PCDHA9: variants seen among roughly 807,000 people sequenced by gnomAD.
PCDHA9 encodes the protein protocadherin alpha 9.
PCDHA9 carries 62 observed loss-of-function variants against 62.0 expected under a neutral mutation model. That is an observed-to-expected ratio of 1.00 (90% CI 0.81 to 1.23). PCDHA9 has a LOEUF of 1.23. Among genes scored for constraint, PCDHA9 ranks in the 50% most tolerant of loss-of-function variants. The probability of loss-of-function intolerance (pLI) is 0.00; values close to 1 mark genes in which losing one functional copy is unlikely to be tolerated. For synonymous variants in PCDHA9, 557 were observed against 567.6 expected (o/e 0.98, Z 0.27); for missense variants, 1,205 against 1,249.8 (o/e 0.96, Z 0.54).
At chr5:140,882,058 C>G (rs1190027185) in intron 1 of PCDHA9, 4 of 794,854 alleles carry the variant, frequency 5.0e-6, no homozygotes, top group Non-Finnish European at 7.7e-6. Flanking sequence ...CTTACACTTA[C>G]ACGTTCATGC....
chr5:140,850,756 G>A lies in PCDHA9; in HGVS notation c.2261G>A (p.Arg754Lys), dbSNP rs2150497273. Residue 754 changes from arginine (R) to lysine (K), a missense_variant, in exon 1 of 4, where the codon AGG (arginine) becomes AAG (lysine). Arg to Lys is a conservative substitution (Grantham distance 26). Coordinates refer to ENST00000532602, the MANE Select transcript of PCDHA9 (RefSeq NM_031857.2). ...GGGAGTTGGTCGTACTCGCAGCAGA[G>A]GAGGCAGAGGGTGTGCTCTGGCGAG... ...AVGSWSYSQQRRQRVCSGEGK... is the reference protein window; with the variant it reads ...AVGSWSYSQQKRQRVCSGEGK... The A allele has an allele frequency of 6.3e-7, 1 of 1,598,098 alleles. No individual in the cohort carries two copies. Among genetic ancestry groups the A allele is most frequent in the Non-Finnish European group, 8.6e-7 (1 of 1,167,688 alleles).
intron 1 of PCDHA9, among the ~76,000 whole-genome samples, chr5:140,902,886 A>G (rs192404879): frequency 3.9e-5 from 6 of 152,276 alleles, no homozygotes; most frequent in Non-Finnish European, 7.4e-5. Flanking sequence ...TGCAAAAGCT[A>G]TTATTTTATT....
intron 1 of PCDHA9, among the ~76,000 whole-genome samples, chr5:140,914,442 CT>C (rs782585142): frequency 1.5e-4 from 23 of 152,072 alleles, no homozygotes; most frequent in Non-Finnish European, 2.9e-4. Context: ...TTTCCCATGT[CT>C]TTATTTTCCA....
intron 1 of PCDHA9, among the ~76,000 whole-genome samples, chr5:140,924,224 T>A (rs1266072324): frequency 6.6e-6 from 1 of 152,220 alleles, no homozygotes; most frequent in Non-Finnish European, 1.5e-5. Context: ...TAAGTTCAAT[T>A]TTTATGGGCT....
At chr5:140,979,525 T>A (rs1347519268) in intron 2 of PCDHA9, among the ~76,000 whole-genome samples, 1 of 152,244 alleles carries the variant, frequency 6.6e-6, no homozygotes, top group Non-Finnish European at 1.5e-5. Flanking sequence ...TGTTGCTATC[T>A]TATTGTCATC....
chr5:140,873,126 G>A (rs2054115570), intron 1 of PCDHA9, among the ~76,000 whole-genome samples: 1 of 152,124 alleles, frequency 6.6e-6, no homozygotes, highest in Admixed American at 6.5e-5. Context: ...AATATTCAAA[G>A]AGTCTATGCT....
At chr5:140,867,674 T>C (rs1450203824) in intron 1 of PCDHA9, 1 of 152,128 alleles carries the variant, frequency 6.6e-6, no homozygotes, top group Non-Finnish European at 1.5e-5. Flanking sequence ...CTCTAAAATT[T>C]TGTTGCATCT....
intron 1 of PCDHA9, among the ~76,000 whole-genome samples, chr5:140,912,045 C>T (rs1276989293): frequency 2.0e-5 from 3 of 152,196 alleles, no homozygotes; most frequent in African/African-American, 4.8e-5. Flanking sequence ...AGTCCCAAAG[C>T]TGAAGAACTT....
At chr5:140,886,084 G>A (rs1554182347) in intron 1 of PCDHA9, among the ~76,000 whole-genome samples, 1 of 152,140 alleles carries the variant, frequency 6.6e-6, no homozygotes, top group Non-Finnish European at 1.5e-5. Context: ...CCACAACCTG[G>A]ATATTGACAT....
chr5:140,889,232 C>T (rs1365146997), intron 1 of PCDHA9, among the ~76,000 whole-genome samples: 6 of 151,736 alleles, frequency 4.0e-5, no homozygotes, highest in African/African-American at 1.4e-4. Context: ...TTGAAAACTT[C>T]CAGAAAATTT....
At chr5:140,947,304 T>A (rs1370804451) in intron 1 of PCDHA9, among the ~76,000 whole-genome samples, 1 of 151,606 alleles carries the variant, frequency 6.6e-6, no homozygotes, top group Admixed American at 6.6e-5. Flanking sequence ...CTTGACATCT[T>A]TGTAAAAAGT....
chr5:140,987,363 T>C (rs1269772618), intron 3 of PCDHA9, among the ~76,000 whole-genome samples: 1 of 152,218 alleles, frequency 6.6e-6, no homozygotes, highest in Non-Finnish European at 1.5e-5. Flanking sequence ...GGTTGTCTTA[T>C]ATCATTACAG....
intron 3 of PCDHA9, among the ~76,000 whole-genome samples, chr5:141,006,406 G>T (rs553100919): frequency 6.6e-6 from 1 of 151,932 alleles, no homozygotes; most frequent in African/African-American, 2.4e-5. Flanking sequence ...GTAGAGACGC[G>T]GTTTCACTGT....
At position 140,850,006 on chromosome 5, in the gene PCDHA9, T is replaced by A. The variant is rs2150463121; in HGVS notation, c.1511T>A (p.Leu504Gln). Residue 504 changes from leucine to glutamine, a missense_variant, in exon 1 of 4, where the codon CTG becomes CAG. Coordinates refer to ENST00000532602, the MANE Select transcript of PCDHA9 (RefSeq NM_031857.2). ...LVERRLGERS[L>Q]SSYVSVHAES... ...GAGCGGCGGTTGGGCGAGCGCTCGC[T>A]GTCGAGCTACGTGTCAGTGCACGCG... is the stretch of plus-strand genomic sequence containing the variant. The A allele has an allele frequency of 2.5e-6, 4 of 1,596,854 alleles. No homozygotes were observed. In the African/African-American group the frequency reaches 5.4e-5, roughly 21 times the overall value.
intron 1 of PCDHA9, chr5:140,853,842 C>G: frequency 1.0e-6 from 1 of 986,448 alleles, no homozygotes; most frequent in Non-Finnish European, 1.2e-6. Flanking sequence ...AATTTTAGAT[C>G]CATAGCCCTA....
intron 3 of PCDHA9, among the ~76,000 whole-genome samples, chr5:141,005,561 G>T (rs1554260149): frequency 6.6e-6 from 1 of 151,354 alleles, no homozygotes. Flanking sequence ...AATTAGCCGG[G>T]CATGGTGGCG....
intron 3 of PCDHA9, among the ~76,000 whole-genome samples, chr5:140,986,402 A>G (rs782590214): frequency 6.6e-6 from 1 of 152,192 alleles, no homozygotes; most frequent in Non-Finnish European, 1.5e-5. Context: ...CCAGTCGCTC[A>G]TGTTACAGCT....
chr5:140,879,002 AG>A (rs1278268880), intron 1 of PCDHA9, among the ~76,000 whole-genome samples: 2 of 152,270 alleles, frequency 1.3e-5, no homozygotes, highest in African/African-American at 4.8e-5. Context: ...AGTATGCCCT[AG>A]AAATCAGATA....
At chr5:140,974,894 A>C (rs1554236433) in intron 1 of PCDHA9, among the ~76,000 whole-genome samples, 2 of 152,184 alleles carry the variant, frequency 1.3e-5, no homozygotes, top group Admixed American at 6.5e-5. Context: ...TTTTCTGATG[A>C]TTTGTAACAA....
Sources: allele counts gnomAD v4.1 joint callset (sites outside exome capture counted in the v4.1 genomes callset), GRCh38; gene constraint gnomAD v4.1.1; transcripts MANE v1.5; gene names NCBI Gene and HGNC (gene_info 2026-07-23, HGNC 2026-07-21).